Variants in SLC8A3 observed in about 807,000 individuals in gnomAD.
SLC8A3 encodes the protein sodium/calcium exchanger 3.
A neutral mutation model predicts 65.4 loss-of-function variants in SLC8A3; 37 were observed. The observed-to-expected ratio is 0.57, with a 90% CI of 0.44 to 0.74. The LOEUF (loss-of-function observed/expected upper bound fraction) is 0.74. Ranked by LOEUF, SLC8A3 falls within the 30% of genes least tolerant of loss-of-function variation. The probability of loss-of-function intolerance (pLI) is 0.00; values close to 1 mark genes in which losing one functional copy is unlikely to be tolerated. For missense variants in SLC8A3, 1,112 were observed against 1,172.1 expected, an observed-to-expected ratio of 0.95 and a Z score of 0.75; for synonymous variants, 461 against 444.5, an observed-to-expected ratio of 1.04 and a Z score of -0.47.
intron 2 of SLC8A3, among the ~76,000 whole-genome samples, chr14:70,138,623 C>T (rs1269379469): frequency 6.6e-6 from 1 of 152,198 alleles, no homozygotes; most frequent in Non-Finnish European, 1.5e-5. Context: ...ACCACCTTTT[C>T]TCTTGGTCTC....
At chr14:70,152,577 C>G (rs144946734) in intron 2 of SLC8A3, among the ~76,000 whole-genome samples, 2 of 151,688 alleles carry the variant, frequency 1.3e-5, no homozygotes, top group South Asian at 4.2e-4. Flanking sequence ...CTGGAAAGAC[C>G]AAGGGATTTA....
intron 2 of SLC8A3, among the ~76,000 whole-genome samples, chr14:70,146,324 C>T (rs1344689838): frequency 6.6e-6 from 1 of 152,046 alleles, no homozygotes; most frequent in Non-Finnish European, 1.5e-5. Context: ...GGGCTGAGTC[C>T]CTGTCTTCAA....
intron 2 of SLC8A3, among the ~76,000 whole-genome samples, chr14:70,106,325 T>C (rs892810393): frequency 7.2e-5 from 11 of 152,184 alleles, no homozygotes; most frequent in Non-Finnish European, 1.5e-4. Context: ...TATTCTCACA[T>C]ACTTTTTTTA....
intron 2 of SLC8A3, among the ~76,000 whole-genome samples, chr14:70,085,803 G>T (rs775692124): frequency 5.2e-4 from 79 of 152,186 alleles, no homozygotes; most frequent in Non-Finnish European, 3.1e-4. Context: ...CATTTAATAT[G>T]CTCCAGGCAC....
At chr14:70,073,265 G>C (rs533786551) in intron 2 of SLC8A3, among the ~76,000 whole-genome samples, 1 of 152,238 alleles carries the variant, frequency 6.6e-6, no homozygotes, top group African/African-American at 2.4e-5. Context: ...AGTAGTCTCT[G>C]TATGAGTGTT....
At chr14:70,187,899 G>T (rs979268973) in intron 1 of SLC8A3, among the ~76,000 whole-genome samples, 2 of 152,094 alleles carry the variant, frequency 1.3e-5, no homozygotes, top group Non-Finnish European at 2.9e-5. Context: ...TGGATAACGC[G>T]CTTCCCTGCT....
intron 2 of SLC8A3, among the ~76,000 whole-genome samples, chr14:70,139,589 G>A (rs569139050): frequency 1.2e-4 from 19 of 152,268 alleles, no homozygotes; most frequent in African/African-American, 4.6e-4. Context: ...ATGAAGCCCC[G>A]CCTTGACCTT....
At chr14:70,139,579 A>G (rs990093195) in intron 2 of SLC8A3, among the ~76,000 whole-genome samples, 1 of 152,156 alleles carries the variant, frequency 6.6e-6, no homozygotes, top group African/African-American at 2.4e-5. Flanking sequence ...CAGAAAGGCA[A>G]TGAAGCCCCG....
chr14:70,151,279 A>T (rs1316514794), intron 2 of SLC8A3, among the ~76,000 whole-genome samples: 1 of 151,540 alleles, frequency 6.6e-6, no homozygotes, highest in African/African-American at 2.4e-5. Flanking sequence ...AAAAAAAAGA[A>T]CTATCAAGGA....
intron 1 of SLC8A3, among the ~76,000 whole-genome samples, chr14:70,178,387 G>A (rs937474903): frequency 1.3e-5 from 2 of 152,174 alleles, no homozygotes; most frequent in African/African-American, 4.8e-5. Flanking sequence ...ACACAGAAAG[G>A]TATATGAGAT....
intron 2 of SLC8A3, among the ~76,000 whole-genome samples, chr14:70,063,051 A>T (rs1483460901): frequency 6.6e-6 from 1 of 152,204 alleles, no homozygotes; most frequent in Non-Finnish European, 1.5e-5. Flanking sequence ...GAAGGCAAAG[A>T]TTCCATCCAC....
At position 70,096,359 on chromosome 14, in the gene SLC8A3, C is replaced by T. The variant is rs1265506604; in HGVS notation, c.1785-35420G>A. ...AATTGTCACAGCACCCAGGTAAGTT[C>T]TTGGGCTGAAGAGGGTGTCACTGAA... On this transcript the variant is annotated intron_variant, in intron 2 of 6. Coordinates refer to ENST00000356921, the MANE Select transcript of SLC8A3 (RefSeq NM_182932.3). Among the ~76,000 whole-genome samples, 4 of 152,176 alleles carry T rather than the reference C, an allele frequency of 2.6e-5. No individual in the cohort carries two copies. The East Asian group carries it at 7.7e-4, about 29-fold the overall frequency.
At position 70,052,960 on chromosome 14, in the gene SLC8A3, C is replaced by T. The variant is rs1483613143; in HGVS notation, c.1889-846G>A. Among the ~76,000 whole-genome samples, 3 of 152,134 alleles carry T rather than the reference C, an allele frequency of 2.0e-5. No individual in the cohort carries two copies. The East Asian group carries it at 5.8e-4, about 29-fold the overall frequency. On this transcript the variant is annotated intron_variant, in intron 3 of 6. Transcript: ENST00000356921. ...GGGGAATTGGTGAAGCAAGGGCAGTCGTGAGACTCCAACTCTCGAGTTTGC... is the reference window on the plus strand; with the variant it reads ...GGGGAATTGGTGAAGCAAGGGCAGTTGTGAGACTCCAACTCTCGAGTTTGC...
intron 2 of SLC8A3, among the ~76,000 whole-genome samples, chr14:70,126,291 A>G (rs1487516341): frequency 6.6e-6 from 1 of 152,184 alleles, no homozygotes; most frequent in Non-Finnish European, 1.5e-5. Flanking sequence ...TTAGGGGGGC[A>G]TCATTGAGCC....
At chr14:70,106,141 T>G (rs994030527) in intron 2 of SLC8A3, among the ~76,000 whole-genome samples, 3 of 152,082 alleles carry the variant, frequency 2.0e-5, no homozygotes, top group Non-Finnish European at 2.9e-5. Flanking sequence ...TATGAAAAAC[T>G]GACAGAAAAC....
At chr14:70,071,167 G>A (rs562899959) in intron 2 of SLC8A3, among the ~76,000 whole-genome samples, 2 of 152,222 alleles carry the variant, frequency 1.3e-5, no homozygotes, top group African/African-American at 4.8e-5. Context: ...GGAAAAAAAG[G>A]CTTCAAGATT....
chr14:70,092,620 C>T (rs1891882168), intron 2 of SLC8A3, among the ~76,000 whole-genome samples: 1 of 152,174 alleles, frequency 6.6e-6, no homozygotes, highest in Admixed American at 6.5e-5. Flanking sequence ...ATCTCTCCCA[C>T]AGAATGAATG....
At chr14:70,187,286 AGAG>A in intron 1 of SLC8A3, 1 of 155,532 alleles carries the variant, frequency 6.4e-6, no homozygotes, top group South Asian at 2.1e-4. Flanking sequence ...AGAGAGAGAG[AGAG>A]AGAGGAAAGG....
chr14:70,054,533 G>T (rs373215415), intron 3 of SLC8A3, among the ~76,000 whole-genome samples: 5 of 152,142 alleles, frequency 3.3e-5, no homozygotes. Flanking sequence ...GTGGAGGAAA[G>T]AGTTGGAACA....
Sources: allele counts gnomAD v4.1 joint callset (sites outside exome capture counted in the v4.1 genomes callset), GRCh38; gene constraint gnomAD v4.1.1; transcripts MANE v1.5; gene names NCBI Gene and HGNC (gene_info 2026-07-23, HGNC 2026-07-21).